The following HIRA variants were observed in gnomAD, a reference collection of about 807,000 sequenced individuals.
The protein encoded by HIRA is protein HIRA.
A neutral mutation model predicts 126.6 loss-of-function variants in HIRA; 13 were observed. The observed-to-expected ratio is 0.10, with a 90% CI of 0.07 to 0.16. HIRA has a LOEUF of 0.16. Among genes scored for constraint, HIRA ranks in the 10% least tolerant of loss-of-function variants. The pLI is 1.00. For synonymous variants in HIRA, 511 were observed against 520.0 expected (o/e 0.98, Z 0.24); for missense variants, 834 against 1,314.4 (o/e 0.63, Z 5.65).
intron 4 of HIRA, among the ~76,000 whole-genome samples, chr22:19,406,534 A>G (rs1306434505): frequency 1.3e-5 from 2 of 152,172 alleles, no homozygotes; most frequent in Non-Finnish European, 2.9e-5. Context: ...GCCTCTGATA[A>G]CACCTTTTGC....
At position 19,331,398 on chromosome 22, in the gene HIRA, T is replaced by G. The variant is rs781889072; in HGVS notation, c.*42A>C. ...TCCTGCATGTCATCAGCGGCGAGAGTGTGGCCCTGCCCTTGCTGCAGCCAG... is the reference window on the plus strand; with the variant it reads ...TCCTGCATGTCATCAGCGGCGAGAGGGTGGCCCTGCCCTTGCTGCAGCCAG... On this transcript the variant is annotated 3_prime_UTR_variant, in exon 25 of 25. Coordinates refer to ENST00000263208, the MANE Select transcript of HIRA (RefSeq NM_003325.4). 29 of 1,612,122 alleles carry G rather than the reference T, an allele frequency of 1.8e-5. No individual in the cohort carries two copies. Among genetic ancestry groups the G allele is most frequent in the Non-Finnish European group, 2.5e-5 (29 of 1,179,738 alleles).
chr22:19,340,330 TAAAGCCCTCAGG>T (rs1556007224), intron 24 of HIRA, among the ~76,000 whole-genome samples: 1 of 151,984 alleles, frequency 6.6e-6, no homozygotes, highest in African/African-American at 2.4e-5. Context: ...TGCCTTCGAT[TAAAGCCCTCAGG>T]AAAACCGTCA....
chr22:19,373,620 A>G (rs2088988282), intron 15 of HIRA, among the ~76,000 whole-genome samples: 1 of 152,178 alleles, frequency 6.6e-6, no homozygotes, highest in Non-Finnish European at 1.5e-5. Flanking sequence ...AAGTAGTATT[A>G]AACTGGCCCT....
intron 20 of HIRA, 102 bp from the exon 21 acceptor site, chr22:19,355,967 C>T: frequency 1.2e-6 from 1 of 831,378 alleles, no homozygotes. Flanking sequence ...ACAGTCCCAG[C>T]AGCAAATGCA....
At chr22:19,375,056 A>G (rs1487677295) in intron 15 of HIRA, among the ~76,000 whole-genome samples, 1 of 152,246 alleles carries the variant, frequency 6.6e-6, no homozygotes, top group Non-Finnish European at 1.5e-5. Flanking sequence ...AGGATGCACT[A>G]CTGCAAAACT....
intron 1 of HIRA, among the ~76,000 whole-genome samples, chr22:19,419,513 C>T (rs1037665482): frequency 3.3e-5 from 5 of 152,164 alleles, no homozygotes; most frequent in African/African-American, 1.2e-4. Flanking sequence ...CCCAATGTGG[C>T]ACAACAAATC....
Position 19,351,706 on chromosome 22 carries a change from G to C in HIRA, c.2849-260C>G, listed in dbSNP as rs1430112077. Among the ~76,000 whole-genome samples, 1 of 152,162 alleles carries C rather than the reference G, an allele frequency of 6.6e-6. No homozygotes were observed. The highest frequency in any genetic ancestry group is 1.5e-5 in the Non-Finnish European group (1 of 68,024). On this transcript the variant is annotated intron_variant, in intron 23 of 24. Coordinates refer to ENST00000263208, the MANE Select transcript of HIRA (RefSeq NM_003325.4). This position sits in a 1 kb window ranked among gnomAD's most constrained non-coding sequence, Gnocchi z 4.8. ...GTGCCTCCTCTGTGTGTTGGGCCCAGAGGAAAAACGAGATATGGCCAGTTC... is the reference window on the plus strand; with the variant it reads ...GTGCCTCCTCTGTGTGTTGGGCCCACAGGAAAAACGAGATATGGCCAGTTC...
At chr22:19,348,500 A>AT (rs201697171) in intron 24 of HIRA, among the ~76,000 whole-genome samples, 25,471 of 146,886 alleles carry the variant, frequency 0.17, 2,333 homozygotes, top group East Asian at 0.3. Context: ...GATACAGCTG[A>AT]TTTTTTTTTT....
chr22:19,393,026 G>A (rs1355042662), intron 8 of HIRA, among the ~76,000 whole-genome samples: 2 of 152,130 alleles, frequency 1.3e-5, no homozygotes, highest in Non-Finnish European at 2.9e-5. Context: ...AGGAATGGCC[G>A]GGGTGCACAG....
At chr22:19,368,745 A>C (rs2088937681) in intron 15 of HIRA, among the ~76,000 whole-genome samples, 1 of 152,218 alleles carries the variant, frequency 6.6e-6, no homozygotes, top group Non-Finnish European at 1.5e-5. Flanking sequence ...TACAGCGAGA[A>C]TGTCACAGCA....
intron 24 of HIRA, among the ~76,000 whole-genome samples, chr22:19,334,448 C>T (rs71313920): frequency 0.97 from 145,711 of 150,244 alleles, 70,742 homozygotes; most frequent in African/African-American, 0.99. Context: ...GCCAGGAGTT[C>T]GAGACCAGTC....
chr22:19,347,769 C>T (rs1332392900), intron 24 of HIRA, among the ~76,000 whole-genome samples: 1 of 151,984 alleles, frequency 6.6e-6, no homozygotes, highest in Non-Finnish European at 1.5e-5. Context: ...TGAAACCCCG[C>T]CTCTACTAAA....
At chr22:19,400,932 G>A (rs2089263126) in intron 5 of HIRA, among the ~76,000 whole-genome samples, 2 of 151,994 alleles carry the variant, frequency 1.3e-5, no homozygotes, top group Admixed American at 1.3e-4. Flanking sequence ...CTCACCCTCA[G>A]CTCCAACAGC....
At chr22:19,382,771 CTTTTTTTT>C (rs796469831) in intron 13 of HIRA, among the ~76,000 whole-genome samples, 2 of 102,126 alleles carry the variant, frequency 2.0e-5, no homozygotes, top group Admixed American at 1.9e-4. Context: ...ATTTTTCTTT[CTTTTTTTT>C]TTTTTTTTTG....
chr22:19,410,883 C>G, intron 1 of HIRA, 105 bp from the exon 2 acceptor site: 1 of 913,214 alleles, frequency 1.1e-6, no homozygotes. Flanking sequence ...AGAAGATTCT[C>G]CAAACATCAG....
At chr22:19,404,091 T>C (rs1195521562) in intron 5 of HIRA, among the ~76,000 whole-genome samples, 1 of 152,252 alleles carries the variant, frequency 6.6e-6, no homozygotes, top group Admixed American at 6.5e-5. Flanking sequence ...GTCTAGGTTT[T>C]TTCTTCCCAA....
intron 1 of HIRA, among the ~76,000 whole-genome samples, chr22:19,421,653 C>A (rs1056326845): frequency 1.3e-5 from 2 of 152,160 alleles, no homozygotes; most frequent in African/African-American, 4.8e-5. Context: ...ACTCATCCTT[C>A]TGTTCTCTCT....
At chr22:19,409,151 T>C (rs2089330635) in intron 2 of HIRA, among the ~76,000 whole-genome samples, 6 of 152,134 alleles carry the variant, frequency 3.9e-5, no homozygotes, top group Admixed American at 3.9e-4. Context: ...AATGGCTCAT[T>C]ATCTTGTTAT....
rs1233411143 is a variant in HIRA, at chr22:19,361,265, G to A, written c.2057C>T (p.Pro686Leu). The change falls in exon 17 of 25, where the codon CCA becomes CTA. Residue 686 changes from proline to leucine, a missense_variant. By Grantham distance (98) the Pro-to-Leu change is moderately conservative. Transcript: ENST00000263208. ...GAGGGTGAATGCTCTCTGGGGGCTT[G>A]GAATTGGCAGCTTCAGTGCAAGTGC... ...APALALKLPI[P>L]SPQRAFTLQV... The A allele has an allele frequency of 1.9e-6, 3 of 1,614,084 alleles. No individual in the cohort carries two copies. In the African/African-American group the frequency reaches 4.0e-5, roughly 22 times the overall value.
Sources: gnomAD v4.1 joint callset for allele counts (sites outside exome capture counted in the v4.1 genomes callset) on GRCh38, gnomAD v4.1.1 for gene constraint, Gnocchi (gnomAD v3.1) non-coding constraint, MANE v1.5 for transcripts, NCBI Gene and HGNC (gene_info 2026-07-23, HGNC 2026-07-21) for gene names.